ARF1: variants seen among roughly 807,000 people sequenced by gnomAD.
ARF1 encodes the protein ADP-ribosylation factor 1.
ARF1 carries 1 observed loss-of-function variant against 18.0 expected under a neutral mutation model. The ratio of observed to expected loss-of-function variants is 0.06; its 90% CI spans 0.02 to 0.26. The LOEUF (loss-of-function observed/expected upper bound fraction) is 0.26, where lower values mean the gene tolerates loss of function less well. Among genes scored for constraint, ARF1 ranks in the 10% least tolerant of loss-of-function variants. The pLI is 1.00. For missense variants in ARF1, 73 were observed against 247.2 expected (o/e 0.30, Z 4.73); for synonymous variants, 112 against 96.3 (o/e 1.16, Z -0.95).
chr1:228,083,733 G>T (rs2032298567), intron 1 of ARF1, among the ~76,000 whole-genome samples: 1 of 152,268 alleles, frequency 6.6e-6, no homozygotes, highest in African/African-American at 2.4e-5. Flanking sequence ...CAGCCTGGGT[G>T]GTTACGGCGT....
intron 1 of ARF1, among the ~76,000 whole-genome samples, chr1:228,083,963 T>TG (rs1205743118): frequency 6.6e-6 from 1 of 152,228 alleles, no homozygotes; most frequent in Non-Finnish European, 1.5e-5. Context: ...TTGGTGCCAC[T>TG]GCCCCTGTTG....
chr1:228,087,848 C>G (rs535151775), intron 1 of ARF1, among the ~76,000 whole-genome samples: 2 of 152,302 alleles, frequency 1.3e-5, no homozygotes, highest in South Asian at 4.1e-4. Context: ...CACATGAGTA[C>G]AGTTTTTAAA....
At chr1:228,087,898 A>G (rs1419651699) in intron 1 of ARF1, among the ~76,000 whole-genome samples, 1 of 152,186 alleles carries the variant, frequency 6.6e-6, no homozygotes, top group Non-Finnish European at 1.5e-5. Context: ...GTTTTTCGTG[A>G]CGAACTTAAT....
rs1190567592 is a variant in ARF1, at chr1:228,089,371, G to C, written c.-38+6606G>C. Among the ~76,000 whole-genome samples the C allele has an allele frequency of 1.3e-5, 2 of 152,188 alleles. No individual in the cohort carries two copies. The highest frequency in any genetic ancestry group is 4.8e-5 in the African/African-American group (2 of 41,444). On this transcript the variant is annotated intron_variant, in intron 1 of 4. Coordinates refer to ENST00000272102, the MANE Select transcript of ARF1 (RefSeq NM_001658.4). The surrounding 1 kb of genome is among the most constrained non-coding windows in gnomAD (Gnocchi z 4.1). ...GGCGGTGGCCTCCCAGGGTCTGTGGGGGGGCATCCCCGTCTCTTTACATGT... is the reference window on the plus strand; with the variant it reads ...GGCGGTGGCCTCCCAGGGTCTGTGGCGGGGCATCCCCGTCTCTTTACATGT...
At chr1:228,095,101 C>G (rs1446509974) in intron 1 of ARF1, among the ~76,000 whole-genome samples, 2 of 152,190 alleles carry the variant, frequency 1.3e-5, no homozygotes, top group Non-Finnish European at 2.9e-5. Context: ...CTTCTGAGCA[C>G]CTTCATTTTG....
intron 1 of ARF1, among the ~76,000 whole-genome samples, chr1:228,090,173 TG>T (rs2124847766): frequency 6.6e-6 from 1 of 152,270 alleles, no homozygotes; most frequent in South Asian, 2.1e-4. Flanking sequence ...TTAGCATGCA[TG>T]GGAGAGAGTG....
chr1:228,092,375 G>A (rs1022052124), intron 1 of ARF1, among the ~76,000 whole-genome samples: 1 of 152,150 alleles, frequency 6.6e-6, no homozygotes, highest in Non-Finnish European at 1.5e-5. Flanking sequence ...TTGAGCCCAG[G>A]AGCTCAAGGC....
chr1:228,097,554 G>A lies in ARF1; in HGVS notation c.260-37G>A. 1 of 1,613,894 alleles carries A rather than the reference G, an allele frequency of 6.2e-7. No homozygotes were observed. The highest frequency in any genetic ancestry group is 8.5e-7 in the Non-Finnish European group (1 of 1,179,954). On this transcript the variant is annotated intron_variant, in intron 3 of 4. Transcript: ENST00000272102. This position sits in a 1 kb window ranked among gnomAD's most constrained non-coding sequence, Gnocchi z 8.1. The stretch of plus-strand genomic sequence containing the variant: ...TGCCCATAGATGCGGCAGGGGGGCT[G>A]TGTTCCCATGACCATTTGACACTGG...
At position 228,098,484 on chromosome 1, in the gene ARF1, GC is replaced by G. The variant is rs1425955899; in HGVS notation, c.*472del. ...ACACACAGAAGGGAGACCCCGCCTA[GC>G]ATAGATTTGCAGTTACGGCCTGGAT... On this transcript the variant is annotated 3_prime_UTR_variant, in exon 5 of 5. Transcript: ENST00000272102. The G allele has an allele frequency of 6.5e-6, 1 of 153,222 alleles. No homozygotes were observed. The highest frequency in any genetic ancestry group is 1.5e-5 in the Non-Finnish European group (1 of 68,430). 9.5% of individuals were successfully genotyped at this position (153,222 alleles called of 1,614,324 possible). A position where few individuals can be genotyped will look rare whatever the true frequency, so the allele number is the denominator to read the frequency against.
intron 1 of ARF1, among the ~76,000 whole-genome samples, chr1:228,093,165 C>T (rs1375824371): frequency 6.6e-6 from 1 of 152,076 alleles, no homozygotes; most frequent in Non-Finnish European, 1.5e-5. Context: ...GTCAGGTTTG[C>T]TCCTACCACA....
At chr1:228,093,432 G>A (rs1360367227) in intron 1 of ARF1, among the ~76,000 whole-genome samples, 2 of 152,088 alleles carry the variant, frequency 1.3e-5, no homozygotes, top group East Asian at 1.9e-4. Context: ...GGAACATGCC[G>A]AGGCAGGACG....
At position 228,097,794 on chromosome 1, in the gene ARF1, T is replaced by TG; in HGVS notation, c.385-54dup. On this transcript the variant is annotated intron_variant, in intron 4 of 4. Transcript: ENST00000272102. This position sits in a 1 kb window ranked among gnomAD's most constrained non-coding sequence, Gnocchi z 8.1. ...GGTGGTAGGGGTTACTGGAGGCTGG[T>TG]GGGGCCCCTTTCTCTGTCCTGTGGA... The TG allele has an allele frequency of 6.3e-7, 1 of 1,579,484 alleles. No individual in the cohort carries two copies. Among genetic ancestry groups the TG allele is most frequent in the Non-Finnish European group, 8.6e-7 (1 of 1,162,242 alleles).
chr1:228,088,713 A>G (rs938624019), intron 1 of ARF1, among the ~76,000 whole-genome samples: 27 of 152,152 alleles, frequency 1.8e-4, no homozygotes, highest in African/African-American at 6.0e-4. Flanking sequence ...TCAGTGCATG[A>G]GCAGCCTGGT....
intron 1 of ARF1, among the ~76,000 whole-genome samples, chr1:228,086,889 A>G (rs1040699906): frequency 7.2e-5 from 11 of 152,226 alleles, no homozygotes; most frequent in African/African-American, 2.7e-4. Flanking sequence ...GCCTCCAGGT[A>G]GACAGTGTCA....
chr1:228,094,541 G>C (rs1221511600), intron 1 of ARF1, among the ~76,000 whole-genome samples: 1 of 152,050 alleles, frequency 6.6e-6, no homozygotes, highest in Non-Finnish European at 1.5e-5. Flanking sequence ...GAATACGTAG[G>C]TGGCGTGCCC....
Position 228,097,667 on chromosome 1 carries a change from C to G in ARF1, c.336C>G (p.Ala112=), listed in dbSNP as rs143545613. The G allele has an allele frequency of 2.5e-6, 4 of 1,613,920 alleles. No homozygotes were observed. Among genetic ancestry groups the G allele is most frequent in the Non-Finnish European group, 3.4e-6 (4 of 1,179,906 alleles). Residue 112 remains alanine, a synonymous_variant, in exon 4 of 5, where the codon GCC becomes GCG. Transcript: ENST00000272102. This position sits in a 1 kb window ranked among gnomAD's most constrained non-coding sequence, Gnocchi z 8.1. ...GTGAGGAGCTCATGAGGATGCTGGCCGAGGACGAGCTCCGGGATGCTGTCC... is the reference window on the plus strand; with the variant it reads ...GTGAGGAGCTCATGAGGATGCTGGCGGAGGACGAGCTCCGGGATGCTGTCC... ...EAREELMRML[A]EDELRDAVLL... is the part of the protein sequence containing the mutation.
rs996621285 is a variant in ARF1 at position 228,099,158 on chromosome 1, C to A, written c.*1145C>A. 6.6e-6 allele frequency: 1 copy of A among 152,648 alleles called. No homozygotes were observed. Among genetic ancestry groups the A allele is most frequent in the African/African-American group, 2.4e-5 (1 of 41,452 alleles). 9.5% of individuals were successfully genotyped at this position (152,648 alleles called of 1,614,324 possible). ...GTATACTTGTTTTCAGTTTTCATTT[C>A]GACAAACAAGCACTGTAATTATAGC... On this transcript the variant is annotated 3_prime_UTR_variant, in exon 5 of 5. Transcript: ENST00000272102.
Position 228,097,510 on chromosome 1 carries a change from C to T in ARF1, c.259+58C>T. The stretch of plus-strand genomic sequence containing the variant: ...CCTGCTTCTAGAGAGGGGGGGCCAG[C>T]CCATAGATGGGGCATCGATGCCCAT... On this transcript the variant is annotated intron_variant, in intron 3 of 4. Transcript: ENST00000272102. This position sits in a 1 kb window ranked among gnomAD's most constrained non-coding sequence, Gnocchi z 8.1. The T allele has an allele frequency of 6.2e-7, 1 of 1,613,710 alleles. No individual in the cohort carries two copies. The highest frequency in any genetic ancestry group is 8.5e-7 in the Non-Finnish European group (1 of 1,179,808).
intron 1 of ARF1, among the ~76,000 whole-genome samples, chr1:228,090,145 C>G (rs557097702): frequency 6.6e-6 from 1 of 152,216 alleles, no homozygotes; most frequent in Non-Finnish European, 1.5e-5. Context: ...GCTGTGCCAT[C>G]GCACAGTCAT....
Sources: allele counts gnomAD v4.1 joint callset (sites outside exome capture counted in the v4.1 genomes callset), GRCh38; gene constraint gnomAD v4.1.1; non-coding constraint Gnocchi (gnomAD v3.1); transcripts MANE v1.5; gene names NCBI Gene and HGNC (gene_info 2026-07-23, HGNC 2026-07-21).